The following MTUS2 variants were observed in gnomAD, a reference collection of about 807,000 sequenced individuals.
MTUS2 encodes the protein microtubule associated scaffold protein 2, also known as microtubule-associated tumor suppressor candidate 2.
A neutral mutation model predicts 114.1 loss-of-function variants in MTUS2; 40 were observed. The observed-to-expected ratio is 0.35, with a 90% CI of 0.27 to 0.46. The LOEUF (loss-of-function observed/expected upper bound fraction) is 0.46. Ranked by LOEUF, MTUS2 falls within the 20% of genes least tolerant of loss-of-function variation. The pLI is 1.00. For synonymous variants in MTUS2, 688 were observed against 672.0 expected (o/e 1.02, Z -0.37); for missense variants, 1,679 against 1,705.4 (o/e 0.98, Z 0.27).
intron 8 of MTUS2, among the ~76,000 whole-genome samples, chr13:29,374,243 C>G (rs185966092): frequency 1.6e-4 from 24 of 152,244 alleles, no homozygotes; most frequent in Admixed American, 1.4e-3. Flanking sequence ...ATAGGCGTTC[C>G]AGAGAGAAGA....
chr13:29,132,656 G>A (rs551380467), intron 5 of MTUS2, among the ~76,000 whole-genome samples: 41 of 152,250 alleles, frequency 2.7e-4, no homozygotes, highest in African/African-American at 8.9e-4. Context: ...TGTCCTCAGG[G>A]TTCATTAATG....
At chr13:29,385,360 C>T (rs1872563001) in intron 8 of MTUS2, among the ~76,000 whole-genome samples, 1 of 152,176 alleles carries the variant, frequency 6.6e-6, no homozygotes, top group Non-Finnish European at 1.5e-5. Flanking sequence ...CCTGCAGATT[C>T]CCAGGATGTC....
chr13:28,904,352 G>T (rs1389769463), intron 2 of MTUS2, among the ~76,000 whole-genome samples: 2 of 152,136 alleles, frequency 1.3e-5, no homozygotes, highest in Non-Finnish European at 2.9e-5. Flanking sequence ...GAATGGTATT[G>T]CCTAGGTTTT....
At chr13:29,474,034 G>C (rs1163397976) in intron 9 of MTUS2, among the ~76,000 whole-genome samples, 1 of 152,198 alleles carries the variant, frequency 6.6e-6, no homozygotes, top group Admixed American at 6.5e-5. Flanking sequence ...TTCCCCTGGT[G>C]CCAGCTGCTC....
chr13:29,369,783 A>T (rs1057229278), intron 8 of MTUS2, among the ~76,000 whole-genome samples: 1 of 152,208 alleles, frequency 6.6e-6, no homozygotes, highest in Non-Finnish European at 1.5e-5. Context: ...GAGAACAAAG[A>T]TTTATCATAA....
chr13:29,319,080 G>A (rs1900142605), intron 6 of MTUS2, among the ~76,000 whole-genome samples: 1 of 152,292 alleles, frequency 6.6e-6, no homozygotes, highest in South Asian at 2.1e-4. Context: ...TCTCCGTATA[G>A]ATAAGGCACA....
At chr13:28,952,358 C>T (rs1882853132) in intron 2 of MTUS2, among the ~76,000 whole-genome samples, 1 of 152,188 alleles carries the variant, frequency 6.6e-6, no homozygotes, top group Admixed American at 6.5e-5. Flanking sequence ...TTTATTTGAA[C>T]AGAATAATAT....
At chr13:29,091,026 C>G (rs577917307) in intron 4 of MTUS2, among the ~76,000 whole-genome samples, 20 of 152,238 alleles carry the variant, frequency 1.3e-4, no homozygotes, top group East Asian at 7.8e-4. Context: ...CTGGTTGCCA[C>G]TTGGGACCCA....
chr13:29,110,943 C>T (rs186189501), intron 5 of MTUS2, among the ~76,000 whole-genome samples: 21 of 152,130 alleles, frequency 1.4e-4, no homozygotes, highest in African/African-American at 4.8e-4. Context: ...ATGCATAAAC[C>T]CAGCATTTTC....
chr13:29,043,068 G>A (rs1452683653), intron 4 of MTUS2, among the ~76,000 whole-genome samples: 2 of 151,856 alleles, frequency 1.3e-5, no homozygotes, highest in Non-Finnish European at 2.9e-5. Context: ...TTGTCTGTTT[G>A]TCCTTTTTCC....
At chr13:28,864,594 C>G (rs1306932863) in intron 2 of MTUS2, among the ~76,000 whole-genome samples, 1 of 152,184 alleles carries the variant, frequency 6.6e-6, no homozygotes, top group Non-Finnish European at 1.5e-5. Context: ...AGTGGCCAAG[C>G]TAAATTAAGA....
intron 9 of MTUS2, among the ~76,000 whole-genome samples, chr13:29,455,196 A>C (rs1342323304): frequency 6.6e-6 from 1 of 152,196 alleles, no homozygotes; most frequent in Non-Finnish European, 1.5e-5. Context: ...ACTGGACAGG[A>C]GTAAGCTGAG....
At chr13:28,990,452 T>C (rs188362593) in intron 2 of MTUS2, among the ~76,000 whole-genome samples, 1 of 152,220 alleles carries the variant, frequency 6.6e-6, no homozygotes, top group Non-Finnish European at 1.5e-5. Context: ...CAGCACTCTG[T>C]AAAACCACAC....
At chr13:29,349,596 G>A (rs1869050373) in intron 7 of MTUS2, among the ~76,000 whole-genome samples, 1 of 151,576 alleles carries the variant, frequency 6.6e-6, no homozygotes, top group Non-Finnish European at 1.5e-5. Context: ...AATTCTTTTG[G>A]TTTTTGTTCA....
chr13:28,984,337 T>G (rs1036759293), intron 2 of MTUS2, among the ~76,000 whole-genome samples: 2 of 152,220 alleles, frequency 1.3e-5, no homozygotes, highest in Non-Finnish European at 2.9e-5. Flanking sequence ...CTACCCCTCC[T>G]TTCCTTTCTT....
At chr13:28,870,199 A>C (rs533725100) in intron 2 of MTUS2, among the ~76,000 whole-genome samples, 1 of 152,334 alleles carries the variant, frequency 6.6e-6, no homozygotes, top group African/African-American at 2.4e-5. Flanking sequence ...TGATTTCCTC[A>C]TACATATTAG....
At chr13:29,365,866 C>T (rs563716734) in intron 8 of MTUS2, among the ~76,000 whole-genome samples, 2 of 152,272 alleles carry the variant, frequency 1.3e-5, no homozygotes, top group South Asian at 2.1e-4. Context: ...TGTAAACTCC[C>T]CTCCAACTAA....
At chr13:28,894,395 A>G (rs2137928174) in intron 2 of MTUS2, among the ~76,000 whole-genome samples, 1 of 149,318 alleles carries the variant, frequency 6.7e-6, no homozygotes, top group Admixed American at 6.8e-5. Context: ...TGTCTCTGCT[A>G]TGTGGGGACA....
intron 5 of MTUS2, among the ~76,000 whole-genome samples, chr13:29,238,844 T>C (rs1287139814): frequency 2.0e-5 from 3 of 152,106 alleles, no homozygotes; most frequent in Non-Finnish European, 2.9e-5. Flanking sequence ...ATAGGTAAAA[T>C]AAGCCAGACA....
Sources: gnomAD v4.1 joint callset for allele counts (sites outside exome capture counted in the v4.1 genomes callset) on GRCh38, gnomAD v4.1.1 for gene constraint, MANE v1.5 for transcripts, NCBI Gene and HGNC (gene_info 2026-07-23, HGNC 2026-07-21) for gene names.